The following RFX4 variants were observed in gnomAD, a reference collection of about 807,000 sequenced individuals.
The protein encoded by RFX4 is regulatory factor X4.
In RFX4, 10 loss-of-function variants were observed where a neutral mutation model predicts 95.0. The observed-to-expected ratio is 0.11, with a 90% CI of 0.06 to 0.18. The LOEUF is 0.18. Ranked by LOEUF, RFX4 falls within the 10% of genes least tolerant of loss-of-function variation. RFX4 has a pLI of 1.00. For missense variants in RFX4, 640 were observed against 922.0 expected, an observed-to-expected ratio of 0.69 and a Z score of 3.96; for synonymous variants, 321 against 340.7, an observed-to-expected ratio of 0.94 and a Z score of 0.64.
At chr12:106,640,778 CT>C (rs34232717) in intron 3 of RFX4, among the ~76,000 whole-genome samples, 7,748 of 123,516 alleles carry the variant, frequency 0.063, 195 homozygotes, top group African/African-American at 0.14. Context: ...AATTGACAGA[CT>C]TTTTTTTTTT....
intron 11 of RFX4, among the ~76,000 whole-genome samples, chr12:106,718,954 CA>C (rs34996369): frequency 0.28 from 30,345 of 107,582 alleles, 3,384 homozygotes; most frequent in South Asian, 0.35. Context: ...ACTAAAGATA[CA>C]AAAAAAAAAA....
At chr12:106,700,185 C>G (rs2041957783) in intron 8 of RFX4, among the ~76,000 whole-genome samples, 1 of 152,080 alleles carries the variant, frequency 6.6e-6, no homozygotes, top group East Asian at 1.9e-4. Context: ...GCATGTGCCA[C>G]TAAGCCTGGC....
At chr12:106,756,871 C>A (rs1420578061) in intron 17 of RFX4, among the ~76,000 whole-genome samples, 2 of 152,162 alleles carry the variant, frequency 1.3e-5, no homozygotes, top group Non-Finnish European at 2.9e-5. Context: ...TGTACTAGCT[C>A]TGTGAAAGCC....
intron 4 of RFX4, among the ~76,000 whole-genome samples, chr12:106,655,345 G>A (rs1468699503): frequency 6.6e-6 from 1 of 152,156 alleles, no homozygotes; most frequent in African/African-American, 2.4e-5. Flanking sequence ...AAGTGAAAGG[G>A]ATGTTTTTTT....
At chr12:106,662,533 T>C (rs919375729) in intron 4 of RFX4, among the ~76,000 whole-genome samples, 1 of 152,198 alleles carries the variant, frequency 6.6e-6, no homozygotes, top group Non-Finnish European at 1.5e-5. Flanking sequence ...CTCTTGACAT[T>C]GTCTTTCACA....
intron 2 of RFX4, among the ~76,000 whole-genome samples, chr12:106,636,642 T>C (rs919851587): frequency 2.0e-5 from 3 of 152,216 alleles, no homozygotes; most frequent in African/African-American, 4.8e-5. Context: ...GTCTACGATG[T>C]ATTTTACATT....
At chr12:106,713,011 C>A (rs2042220637) in intron 10 of RFX4, among the ~76,000 whole-genome samples, 1 of 152,182 alleles carries the variant, frequency 6.6e-6, no homozygotes, top group Non-Finnish European at 1.5e-5. Context: ...GGGGCGCACA[C>A]ACACGTTCCC....
At chr12:106,716,107 T>A (rs1358154382) in intron 11 of RFX4, among the ~76,000 whole-genome samples, 2 of 152,124 alleles carry the variant, frequency 1.3e-5, no homozygotes, top group African/African-American at 4.8e-5. Flanking sequence ...AGGCAGGATG[T>A]TTGATCTTGG....
chr12:106,611,084 C>A (rs950732983), intron 2 of RFX4, among the ~76,000 whole-genome samples: 5 of 152,058 alleles, frequency 3.3e-5, no homozygotes, highest in African/African-American at 7.2e-5. Flanking sequence ...TGTTGAACAT[C>A]TTTTCATGTG....
At chr12:106,641,496 G>T (rs142961734) in intron 3 of RFX4, among the ~76,000 whole-genome samples, 1 of 152,346 alleles carries the variant, frequency 6.6e-6, no homozygotes, top group East Asian at 1.9e-4. Context: ...ACCACCTGGA[G>T]CAGGCCCCGT....
intron 3 of RFX4, 50 bp from the exon 4 acceptor site, chr12:106,654,178 G>C (rs754071027): frequency 1.2e-6 from 2 of 1,612,164 alleles, no homozygotes; most frequent in South Asian, 2.2e-5. Context: ...GACCGTTCTT[G>C]CTTGGGGAAG....
intron 4 of RFX4, among the ~76,000 whole-genome samples, chr12:106,654,657 C>T (rs2137320704): frequency 6.6e-6 from 1 of 152,286 alleles, no homozygotes; most frequent in Non-Finnish European, 1.5e-5. Context: ...TGTCAATCAG[C>T]CTGGGACAGG....
In RFX4 at chr12:106,720,010, T is replaced by C. The variant is rs1156768742; in HGVS notation, c.1189T>C (p.Tyr397His). ...GGAGGAGCAGTCTCCCATCGAGTCC[T>C]ACATTGAGTGGCTGGATACCATGGT... ...LLEEQSPIES[Y>H]IEWLDTMVDR... The change falls in exon 12 of 18, where the codon TAC (tyrosine) becomes CAC (histidine). Residue 397 changes from tyrosine (Y) to histidine (H), a missense_variant. Physicochemically the swap from Tyr to His is moderately conservative, Grantham distance 83. This residue lies in a region of RFX4 where 72 missense variants were observed against 80.5 expected (regional missense o/e 0.89). Coordinates refer to ENST00000392842, the MANE Select transcript of RFX4 (RefSeq NM_213594.3). The surrounding 1 kb of genome is among the most constrained non-coding windows in gnomAD (Gnocchi z 4.2). 1.2e-6 allele frequency: 2 copies of C among 1,614,254 alleles called. No individual in the cohort carries two copies. The highest frequency in any genetic ancestry group is 3.3e-5 in the Admixed American group (2 of 60,034).
intron 8 of RFX4, among the ~76,000 whole-genome samples, chr12:106,703,140 C>A (rs2042022661): frequency 6.6e-6 from 1 of 152,198 alleles, no homozygotes; most frequent in South Asian, 2.1e-4. Context: ...TGCAAGTGAG[C>A]CAGTCCCCAA....
At chr12:106,640,148 T>C (rs956198056) in intron 3 of RFX4, among the ~76,000 whole-genome samples, 3 of 152,238 alleles carry the variant, frequency 2.0e-5, no homozygotes, top group Non-Finnish European at 4.4e-5. Flanking sequence ...CCTCATTTCA[T>C]TCTCACAATT....
At chr12:106,755,287 A>C (rs2043088901) in intron 17 of RFX4, among the ~76,000 whole-genome samples, 1 of 152,126 alleles carries the variant, frequency 6.6e-6, no homozygotes, top group Non-Finnish European at 1.5e-5. Context: ...GTAGAGACAA[A>C]GTCTCGCCAT....
At chr12:106,587,314 A>G (rs568057982) in intron 1 of RFX4, among the ~76,000 whole-genome samples, 1 of 152,262 alleles carries the variant, frequency 6.6e-6, no homozygotes, top group South Asian at 2.1e-4. Flanking sequence ...GCGCGTCACC[A>G]TGGAGACTGC....
intron 1 of RFX4, among the ~76,000 whole-genome samples, chr12:106,593,087 A>G (rs995187408): frequency 6.6e-6 from 1 of 152,208 alleles, no homozygotes; most frequent in African/African-American, 2.4e-5. Flanking sequence ...TACAGTTTCC[A>G]CTTTTCTGGT....
chr12:106,721,283 T>C (rs1055966064), intron 13 of RFX4, among the ~76,000 whole-genome samples: 1 of 152,216 alleles, frequency 6.6e-6, no homozygotes, highest in African/African-American at 2.4e-5. Flanking sequence ...TTGACCATAC[T>C]CTTGCTGTGG....
Sources: gnomAD v4.1 joint callset for allele counts (sites outside exome capture counted in the v4.1 genomes callset) on GRCh38, gnomAD v4.1.1 for gene constraint, gnomAD v4.1.1 regional missense constraint, Gnocchi (gnomAD v3.1) non-coding constraint, MANE v1.5 for transcripts, NCBI Gene and HGNC (gene_info 2026-07-23, HGNC 2026-07-21) for gene names.